DAB2IP: variants seen among roughly 807,000 people sequenced by gnomAD.
DAB2IP encodes disabled homolog 2-interacting protein.
DAB2IP carries 28 observed loss-of-function variants against 107.2 expected under a neutral mutation model. The observed-to-expected ratio is 0.26, with a 90% CI of 0.19 to 0.36. The LOEUF is 0.36. Ranked by LOEUF, DAB2IP falls within the 10% of genes least tolerant of loss-of-function variation. The pLI, the probability that DAB2IP is intolerant of heterozygous loss-of-function variation, is 1.00. For missense variants in DAB2IP, 1,400 were observed against 1,644.7 expected (o/e 0.85, Z 2.57); for synonymous variants, 755 against 706.4 (o/e 1.07, Z -1.09).
intron 3 of DAB2IP, among the ~76,000 whole-genome samples, chr9:121,755,236 TGTG>T (rs1293831395): frequency 2.0e-5 from 3 of 151,606 alleles, no homozygotes; most frequent in East Asian, 1.9e-4. Flanking sequence ...GGCGGTGTGA[TGTG>T]GTGGTGTGGC....
intron 3 of DAB2IP, among the ~76,000 whole-genome samples, chr9:121,743,167 G>A (rs780002321): frequency 6.6e-5 from 10 of 152,206 alleles, no homozygotes; most frequent in Non-Finnish European, 1.3e-4. Flanking sequence ...TCTGAAAGAT[G>A]GGGCAATGGT....
intron 3 of DAB2IP, among the ~76,000 whole-genome samples, chr9:121,734,194 G>A (rs1831724763): frequency 7.1e-6 from 1 of 141,834 alleles, no homozygotes; most frequent in South Asian, 2.1e-4. Flanking sequence ...TGGCTAACAA[G>A]GTGAAACCCC....
intron 1 of DAB2IP, among the ~76,000 whole-genome samples, chr9:121,646,243 G>A (rs1313451747): frequency 6.6e-6 from 1 of 152,136 alleles, no homozygotes; most frequent in Middle Eastern, 3.2e-3. Context: ...AGGAAGTCTG[G>A]GGGGCGGTGG....
At chr9:121,752,043 G>C in intron 3 of DAB2IP, 1 of 985,390 alleles carries the variant, frequency 1.0e-6, no homozygotes, top group Non-Finnish European at 1.2e-6. Context: ...ATGTTTAGAA[G>C]GGTCTCGGCT....
rs1831977663 is a variant in DAB2IP at position 121,633,691 on chromosome 9, G to C, written c.41-44987G>C. On this transcript the variant is annotated intron_variant, in intron 1 of 16. Transcript: ENST00000259371. This position sits in a 1 kb window ranked among gnomAD's most constrained non-coding sequence, Gnocchi z 5.1. ...TGACCAGGACAGACATTGCCCCAGG[G>C]TTTGGCCACAGGAGCTGGCCTGGAT... Among the ~76,000 whole-genome samples the C allele has an allele frequency of 6.6e-6, 1 of 152,164 alleles. No homozygotes were observed. The highest frequency in any genetic ancestry group is 6.5e-5 in the Admixed American group (1 of 15,288).
Position 121,760,307 on chromosome 9 carries a change from A to G in DAB2IP, c.1038A>G (p.Lys346=), listed in dbSNP as rs971606789. ...CCATCCTGCCCATGGAGATGTACAA[A>G]GAGTTCGCTGAGCACATCACCAACC... The change falls in exon 6 of 16, where the codon AAA becomes AAG. Residue 346 remains lysine, a synonymous_variant. Transcript: ENST00000408936. The surrounding 1 kb of genome is among the most constrained non-coding windows in gnomAD (Gnocchi z 5.9). The G allele has an allele frequency of 6.2e-7, 1 of 1,613,774 alleles. No individual in the cohort carries two copies. The highest frequency in any genetic ancestry group is 8.5e-7 in the Non-Finnish European group (1 of 1,180,020).
intron 1 of DAB2IP, among the ~76,000 whole-genome samples, chr9:121,630,265 A>G (rs1272291595): frequency 6.6e-6 from 1 of 152,234 alleles, no homozygotes; most frequent in East Asian, 1.9e-4. Flanking sequence ...ATATATTGCT[A>G]TAGCATTAAA....
At chr9:121,613,413 TTTAG>T (rs1831160777) in intron 1 of DAB2IP, among the ~76,000 whole-genome samples, 1 of 152,228 alleles carries the variant, frequency 6.6e-6, no homozygotes, top group African/African-American at 2.4e-5. Context: ...CTTTGCATTG[TTTAG>T]TTAATTACCA....
At chr9:121,774,493 C>T in intron 13 of DAB2IP, 81 bp downstream of exon 13, 1 of 1,448,360 alleles carries the variant, frequency 6.9e-7, no homozygotes, top group Non-Finnish European at 9.1e-7. Flanking sequence ...CCCCAGGTCC[C>T]CCAGCAACGG....
intron 3 of DAB2IP, chr9:121,742,696 C>T (rs1293407228): frequency 1.0e-6 from 1 of 979,668 alleles, no homozygotes; most frequent in South Asian, 4.7e-5. Context: ...GACGGTTGCC[C>T]CCATCTGCCT....
chr9:121,742,811 GA>G, intron 3 of DAB2IP: 4 of 985,480 alleles, frequency 4.1e-6, no homozygotes, highest in Non-Finnish European at 4.8e-6. Context: ...TGTTGTGTCA[GA>G]AGCCATGATT....
chr9:121,740,971 C>T (rs946769762), intron 3 of DAB2IP, among the ~76,000 whole-genome samples: 3 of 152,162 alleles, frequency 2.0e-5, no homozygotes, highest in African/African-American at 7.2e-5. Flanking sequence ...CAAATTGGGC[C>T]TCTTCTTACT....
At chr9:121,738,967 A>G (rs1008074895) in intron 3 of DAB2IP, among the ~76,000 whole-genome samples, 1 of 152,262 alleles carries the variant, frequency 6.6e-6, no homozygotes, top group African/African-American at 2.4e-5. Flanking sequence ...AACATAGTGA[A>G]GTTCCCCTAC....
intron 3 of DAB2IP, among the ~76,000 whole-genome samples, chr9:121,713,868 G>C (rs1320178652): frequency 6.6e-6 from 1 of 152,156 alleles, no homozygotes; most frequent in Non-Finnish European, 1.5e-5. Context: ...CCACACGGGG[G>C]CTCTCTGATG....
intron 1 of DAB2IP, among the ~76,000 whole-genome samples, chr9:121,640,554 C>T (rs1042852327): frequency 2.0e-5 from 3 of 152,076 alleles, no homozygotes; most frequent in Non-Finnish European, 4.4e-5. Flanking sequence ...CAGGCCTCCC[C>T]ACCTCCCCCC....
chr9:121,770,660 G>T lies in DAB2IP; in HGVS notation c.2014G>T (p.Gly672Cys), dbSNP rs1384361269. Reference sequence around the variant, plus strand: ...GACCAATGACCTGGCCTCCACACCGGGCTCTGGCAGCAGCAGCATCTCAGC... The same window carrying T: ...GACCAATGACCTGGCCTCCACACCGTGCTCTGGCAGCAGCAGCATCTCAGC... The change falls in exon 11 of 16, where the codon GGC (glycine) becomes TGC (cysteine). Residue 672 changes from glycine to cysteine, a missense_variant. Transcript: ENST00000408936. The T allele has an allele frequency of 3.1e-6, 5 of 1,614,040 alleles. No homozygotes were observed. The African/African-American group carries it at 5.3e-5, about 17-fold the overall frequency.
intron 1 of DAB2IP, among the ~76,000 whole-genome samples, chr9:121,609,369 T>C (rs959691783): frequency 6.6e-6 from 1 of 152,156 alleles, no homozygotes; most frequent in Non-Finnish European, 1.5e-5. Flanking sequence ...ATTGAAACTT[T>C]TACAGGCTGT....
At chr9:121,629,470 G>A (rs891579806) in intron 1 of DAB2IP, among the ~76,000 whole-genome samples, 2 of 152,232 alleles carry the variant, frequency 1.3e-5, no homozygotes, top group Non-Finnish European at 2.9e-5. Context: ...ATCCCCCTGA[G>A]AGGGTGGTGG....
At chr9:121,621,082 C>T (rs1443167616) in intron 1 of DAB2IP, among the ~76,000 whole-genome samples, 1 of 152,190 alleles carries the variant, frequency 6.6e-6, no homozygotes, top group African/African-American at 2.4e-5. Flanking sequence ...GTGTTTCCTT[C>T]CTTCCCTTCC....
Sources: allele counts gnomAD v4.1 joint callset (sites outside exome capture counted in the v4.1 genomes callset), GRCh38; gene constraint gnomAD v4.1.1; non-coding constraint Gnocchi (gnomAD v3.1); transcripts MANE v1.5; gene names NCBI Gene and HGNC (gene_info 2026-07-23, HGNC 2026-07-21).